Variants in NRL observed in about 807,000 individuals in gnomAD.
NRL encodes neural retina leucine zipper, also known as neural retina-specific leucine zipper protein.
Under a neutral mutation model 12.5 loss-of-function variants are expected in NRL, and 16 were observed. The observed-to-expected ratio is 1.28, with a 90% confidence interval of 0.87 to 1.95. The LOEUF is 1.95. Among genes scored for constraint, NRL ranks in the 30% most tolerant of loss-of-function variants. The pLI, the probability that NRL is intolerant of heterozygous loss-of-function variation, is 0.00. For synonymous variants in NRL, 142 were observed against 150.9 expected, an observed-to-expected ratio of 0.94 and a Z score of 0.43; for missense variants, 314 against 325.8, an observed-to-expected ratio of 0.96 and a Z score of 0.28.
intron 1 of NRL, among the ~76,000 whole-genome samples, chr14:24,083,959 T>C (rs757892661): frequency 1.7e-4 from 26 of 152,210 alleles, no homozygotes; most frequent in Non-Finnish European, 2.8e-4. Context: ...TCAGATACCC[T>C]TCCCAGCCTT....
rs1460816482 is a variant in NRL at position 24,094,246 on chromosome 14, C to T, written c.-27-11371G>A. On this transcript the variant is annotated intron_variant, in intron 1 of 2. Transcript: ENST00000561028. This position sits in a 1 kb window ranked among gnomAD's most constrained non-coding sequence, Gnocchi z 4.1. Reference sequence around the variant, plus strand: ...CGGGGCGGAGGAAAGCTAGTGCCAGCCCTACCAGGTTCCGCCCCCGCGCCT... The same window carrying T: ...CGGGGCGGAGGAAAGCTAGTGCCAGTCCTACCAGGTTCCGCCCCCGCGCCT... 4 of 674,064 alleles carry T rather than the reference C, an allele frequency of 5.9e-6. No homozygotes were observed. The highest frequency in any genetic ancestry group is 7.5e-6 in the Non-Finnish European group (3 of 400,800). The allele number at this position is 674,064 out of a possible 1,614,324, so 41.8% of individuals were successfully genotyped here.
chr14:24,081,517 G>C lies in NRL; in HGVS notation c.433C>G (p.Leu145Val). ...CCGCAGCCCCGCAGCTGCCGGTTTAGCTCCCGCACAGACATCGAGACCAGC... is the reference window on the plus strand; with the variant it reads ...CCGCAGCCCCGCAGCTGCCGGTTTACCTCCCGCACAGACATCGAGACCAGC... ...AALVSMSVRE[L>V]NRQLRGCGRD... Residue 145 changes from leucine to valine, a missense_variant, in exon 3 of 3, where the codon CTA becomes GTA. Transcript: ENST00000561028. The surrounding 1 kb of genome is among the most constrained non-coding windows in gnomAD (Gnocchi z 4.4). 3.7e-6 allele frequency: 6 copies of C among 1,603,888 alleles called. No homozygotes were observed. The highest frequency in any genetic ancestry group is 5.1e-6 in the Non-Finnish European group (6 of 1,176,764).
rs1288640869 is a variant in NRL, at chr14:24,085,324, C to T, written c.-27-2449G>A. Reference sequence around the variant, plus strand: ...AAGGGACATTGAAATCTAATCACCACCAGTCCGTCGGAGACACTTTTGTAA... The same window carrying T: ...AAGGGACATTGAAATCTAATCACCATCAGTCCGTCGGAGACACTTTTGTAA... On this transcript the variant is annotated intron_variant, in intron 1 of 2. Transcript: ENST00000561028. The surrounding 1 kb of genome is among the most constrained non-coding windows in gnomAD (Gnocchi z 4.1). 6.6e-6 allele frequency among the ~76,000 whole-genome samples: 1 copy of T among 152,214 alleles called. No individual in the cohort carries two copies. The highest frequency in any genetic ancestry group is 1.5e-5 in the Non-Finnish European group (1 of 68,040).
At chr14:24,111,353 G>GTT (rs11407914) in intron 1 of NRL, among the ~76,000 whole-genome samples, 3 of 151,950 alleles carry the variant, frequency 2.0e-5, no homozygotes, top group African/African-American at 7.3e-5. Context: ...AGGCATAGGT[G>GTT]TTTTTTGTTT....
intron 1 of NRL, chr14:24,114,420 C>G (rs1382551920): frequency 1.3e-5 from 2 of 153,822 alleles, no homozygotes; most frequent in African/African-American, 4.8e-5. Flanking sequence ...AAGAACGGCT[C>G]CAGCTGGACA....
In NRL at chr14:24,081,394, C is replaced by G. The variant is rs1455172842; in HGVS notation, c.556G>C (p.Gly186Arg). 2 of 1,479,734 alleles carry G rather than the reference C, an allele frequency of 1.4e-6. No homozygotes were observed. The highest frequency in any genetic ancestry group is 2.9e-5 in the East Asian group (1 of 34,430). 91.7% of individuals were successfully genotyped at this position (1,479,734 alleles called of 1,614,324 possible). The change falls in exon 3 of 3, where the codon GGG (glycine) becomes CGG (arginine). Residue 186 changes from glycine (G) to arginine (R), a missense_variant. Coordinates refer to ENST00000561028, the MANE Select transcript of NRL (RefSeq NM_001354768.3). This position sits in a 1 kb window ranked among gnomAD's most constrained non-coding sequence, Gnocchi z 4.4. ...AGGCGGGCGCGCTCGGCCTCCAGCC[C>G]GCGCCGCTGCTGCAGCCGCTTGGAG... ...CRSKRLQQRR[G>R]LEAERARLAA...
At chr14:24,095,140 C>T (rs1479388730) in intron 1 of NRL, 2 of 456,020 alleles carry the variant, frequency 4.4e-6, no homozygotes, top group African/African-American at 4.0e-5. Context: ...CCTCTCTTCT[C>T]AGCTTTTGTC....
In NRL at chr14:24,082,497, G is replaced by C; in HGVS notation, c.352C>G (p.Pro118Ala). 1 of 1,612,932 alleles carries C rather than the reference G, an allele frequency of 6.2e-7. No homozygotes were observed. The highest frequency in any genetic ancestry group is 8.5e-7 in the Non-Finnish European group (1 of 1,180,016). ...DGPHGYYPGSPEETGAQHVQL... is the reference protein window; with the variant it reads ...DGPHGYYPGSAEETGAQHVQL... ...ACGTGCTGGGCTCCTGTCTCCTCTG[G>C]GCTCCCTGGGTAGTAGCCATGGGGC... Residue 118 changes from proline to alanine, a missense_variant, in exon 2 of 3, where the codon CCA (proline) becomes GCA (alanine). Pro to Ala is a conservative substitution (Grantham distance 27). Coordinates refer to ENST00000561028, the MANE Select transcript of NRL (RefSeq NM_001354768.3).
At chr14:24,084,682 G>A (rs41313501) in intron 1 of NRL, 833 of 985,506 alleles carry the variant, frequency 8.5e-4, no homozygotes, top group Admixed American at 1.0e-3. Flanking sequence ...GCTCTCTGAG[G>A]TCATCTGTGG....
intron 1 of NRL, among the ~76,000 whole-genome samples, chr14:24,091,040 C>T (rs1043607123): frequency 1.3e-5 from 2 of 151,254 alleles, no homozygotes; most frequent in African/African-American, 4.9e-5. Context: ...TAGTAAAGTA[C>T]AAAAATATAG....
At position 24,080,896 on chromosome 14, in the gene NRL, T is replaced by G; in HGVS notation, c.*340A>C. The G allele has an allele frequency of 3.8e-6, 1 of 263,970 alleles. No individual in the cohort carries two copies. Among genetic ancestry groups the G allele is most frequent in the Admixed American group, 5.4e-5 (1 of 18,462 alleles). The allele number at this position is 263,970 out of a possible 1,614,324, so 16.4% of individuals were successfully genotyped here. ...GAAAACCCTGAATTAAAAACTAAAC[T>G]GAGGTGGGAGCTGCAACCCTCCTCC... On this transcript the variant is annotated 3_prime_UTR_variant, in exon 3 of 3. Coordinates refer to ENST00000561028, the MANE Select transcript of NRL (RefSeq NM_001354768.3).
chr14:24,086,273 A>G (rs907062028), intron 1 of NRL, among the ~76,000 whole-genome samples: 4 of 152,172 alleles, frequency 2.6e-5, no homozygotes, highest in Non-Finnish European at 5.9e-5. Context: ...CCTGCAGTCT[A>G]CCCAGCTTCC....
intron 1 of NRL, among the ~76,000 whole-genome samples, chr14:24,086,347 C>T (rs1455801081): frequency 6.6e-6 from 1 of 152,206 alleles, no homozygotes; most frequent in East Asian, 1.9e-4. Context: ...CCATGCTTTC[C>T]ATACACATAT....
chr14:24,090,284 C>A (rs976518004), intron 1 of NRL, among the ~76,000 whole-genome samples: 3 of 7,940 alleles, frequency 3.8e-4, no homozygotes, highest in African/African-American at 6.5e-4. Flanking sequence ...GGGGGGGGCA[C>A]GGGGGGGGAC....
intron 1 of NRL, chr14:24,103,461 C>T (rs780079001): frequency 2.0e-6 from 3 of 1,491,852 alleles, no homozygotes; most frequent in Admixed American, 4.1e-5. Context: ...GTGCCCTTCC[C>T]TACCCCAGTG....
In NRL at chr14:24,096,308, G is replaced by A. The variant is rs1421956204; in HGVS notation, c.-27-13433C>T. On this transcript the variant is annotated intron_variant, in intron 1 of 2. Transcript: ENST00000561028. ...GGTTGGAGTGCAGTGTCCCGATCTCGGCTCACTGCAACCTCCACCTCCCGG... is the reference window on the plus strand; with the variant it reads ...GGTTGGAGTGCAGTGTCCCGATCTCAGCTCACTGCAACCTCCACCTCCCGG... Among the ~76,000 whole-genome samples the A allele has an allele frequency of 3.0e-5, 4 of 134,734 alleles. No individual in the cohort carries two copies. The Admixed American group carries it at 3.4e-4, about 12-fold the overall frequency. The allele number at this position is 134,734 out of a possible 152,430, so 88.4% of individuals were successfully genotyped here. A position where few individuals can be genotyped will look rare whatever the true frequency, so the allele number is the denominator to read the frequency against.
intron 1 of NRL, chr14:24,100,279 T>C: frequency 2.5e-6 from 4 of 1,585,142 alleles, no homozygotes; most frequent in Non-Finnish European, 3.4e-6. Flanking sequence ...GGAAAAGCTT[T>C]CTCCACAACC....
intron 1 of NRL, among the ~76,000 whole-genome samples, chr14:24,087,709 C>T (rs1249303347): frequency 6.6e-6 from 1 of 152,156 alleles, no homozygotes. Context: ...CATTAGCGAC[C>T]CCTCAGTAAC....
At chr14:24,105,419 A>G (rs2037322262) in intron 1 of NRL, among the ~76,000 whole-genome samples, 1 of 152,248 alleles carries the variant, frequency 6.6e-6, no homozygotes, top group Non-Finnish European at 1.5e-5. Flanking sequence ...GCCTATTCCC[A>G]ACAAGGCAGT....
Sources: gnomAD v4.1 joint callset for allele counts (sites outside exome capture counted in the v4.1 genomes callset) on GRCh38, gnomAD v4.1.1 for gene constraint, Gnocchi (gnomAD v3.1) non-coding constraint, MANE v1.5 for transcripts, NCBI Gene and HGNC (gene_info 2026-07-23, HGNC 2026-07-21) for gene names.